Variants in KYNU observed in about 807,000 individuals in gnomAD.
KYNU encodes the protein L-kynurenine hydrolase.
Under a neutral mutation model 59.2 loss-of-function variants are expected in KYNU, and 54 were observed. The ratio of observed to expected loss-of-function variants is 0.91; its 90% CI spans 0.73 to 1.14. The LOEUF (loss-of-function observed/expected upper bound fraction) is 1.14. Among genes scored for constraint, KYNU ranks in the 50% most tolerant of loss-of-function variants. The pLI is 0.00. For synonymous variants in KYNU, 177 were observed against 192.0 expected (o/e 0.92, Z 0.65); for missense variants, 567 against 554.4 (o/e 1.02, Z -0.23).
intron 4 of KYNU, among the ~76,000 whole-genome samples, chr2:142,931,234 A>C (rs562666827): frequency 6.6e-6 from 1 of 152,168 alleles, no homozygotes; most frequent in Non-Finnish European, 1.5e-5. Flanking sequence ...CTCAGGGAGA[A>C]TCGTACATTC....
At chr2:142,900,146 A>C (rs1435664557) in intron 2 of KYNU, among the ~76,000 whole-genome samples, 3 of 152,224 alleles carry the variant, frequency 2.0e-5, no homozygotes, top group African/African-American at 7.2e-5. Flanking sequence ...CATTAGGATG[A>C]ACCTGGGCAC....
At chr2:143,032,155 G>A (rs574719028) in intron 11 of KYNU, among the ~76,000 whole-genome samples, 20 of 152,220 alleles carry the variant, frequency 1.3e-4, no homozygotes, top group African/African-American at 4.1e-4. Flanking sequence ...ACAGGCACCC[G>A]TAGTCCCAGC....
intron 6 of KYNU, 150 bp from the exon 7 acceptor site, chr2:142,957,491 T>C: frequency 1.7e-6 from 1 of 593,132 alleles, no homozygotes; most frequent in Non-Finnish European, 3.0e-6. Flanking sequence ...TAAGTGGTTC[T>C]TCTCTGTTGT....
At chr2:142,912,371 C>CTTTTTT (rs60854220) in intron 2 of KYNU, among the ~76,000 whole-genome samples, 288 of 89,474 alleles carry the variant, frequency 3.2e-3, no homozygotes, top group Non-Finnish European at 4.1e-3. Flanking sequence ...TTTTGTATTT[C>CTTTTTT]TTTTTTTTTT....
intron 3 of KYNU, among the ~76,000 whole-genome samples, chr2:142,919,664 TG>T (rs1422097894): frequency 6.6e-6 from 1 of 152,216 alleles, no homozygotes; most frequent in Non-Finnish European, 1.5e-5. Flanking sequence ...CCAGTCACAA[TG>T]GCTCATGCCT....
intron 10 of KYNU, among the ~76,000 whole-genome samples, chr2:143,002,087 A>G (rs1685722110): frequency 6.6e-6 from 1 of 152,202 alleles, no homozygotes; most frequent in African/African-American, 2.4e-5. Context: ...ATGGCAAACA[A>G]TTAGAATCTT....
intron 1 of KYNU, among the ~76,000 whole-genome samples, chr2:142,878,355 G>A (rs1339049811): frequency 1.3e-5 from 2 of 151,964 alleles, no homozygotes; most frequent in Admixed American, 1.3e-4. Flanking sequence ...TTTTCTTAAC[G>A]TGTTCAGCAA....
At position 143,007,931 on chromosome 2, in the gene KYNU, C is replaced by T. The variant is rs1377049183; in HGVS notation, c.903-21696C>T. ...AGCGCTAAACATGGAAAGGAACAACCGGTACCAGCCGCTGCAAAATCATGC... is the reference window on the plus strand; with the variant it reads ...AGCGCTAAACATGGAAAGGAACAACTGGTACCAGCCGCTGCAAAATCATGC... On this transcript the variant is annotated intron_variant, in intron 10 of 13. Coordinates refer to ENST00000264170, the MANE Select transcript of KYNU (RefSeq NM_003937.3). Among the ~76,000 whole-genome samples, 115 of 114,376 alleles carry T rather than the reference C, an allele frequency of 1.0e-3. 14 individuals are homozygous for T. Among genetic ancestry groups the T allele is most frequent in the Middle Eastern group, 4.1e-3 (1 of 244 alleles). 75.0% of individuals were successfully genotyped at this position (114,376 alleles called of 152,430 possible).
chr2:142,983,984 T>G (rs1685125023), intron 8 of KYNU, among the ~76,000 whole-genome samples: 2 of 151,806 alleles, frequency 1.3e-5, no homozygotes, highest in South Asian at 4.2e-4. Flanking sequence ...AAGGCAGGAG[T>G]AGTTGAATAG....
At chr2:142,950,921 T>C (rs375588277) in intron 4 of KYNU, among the ~76,000 whole-genome samples, 1 of 152,052 alleles carries the variant, frequency 6.6e-6, no homozygotes, top group Non-Finnish European at 1.5e-5. Context: ...GGGTTATTGA[T>C]TGGCTTATTT....
intron 1 of KYNU, among the ~76,000 whole-genome samples, chr2:142,883,905 CA>C (rs1328942716): frequency 1.3e-5 from 2 of 152,098 alleles, no homozygotes; most frequent in Non-Finnish European, 2.9e-5. Context: ...TAATAGGTAC[CA>C]AATAAATACT....
intron 1 of KYNU, among the ~76,000 whole-genome samples, chr2:142,881,078 C>A (rs973174056): frequency 6.6e-6 from 1 of 152,166 alleles, no homozygotes; most frequent in African/African-American, 2.4e-5. Flanking sequence ...AGCATTGGAG[C>A]ATTAGGTCTT....
chr2:142,991,767 C>T (rs567027714), intron 10 of KYNU, among the ~76,000 whole-genome samples: 4 of 151,976 alleles, frequency 2.6e-5, no homozygotes, highest in African/African-American at 9.6e-5. Context: ...GTATCTCATC[C>T]ACAGTTATTT....
At chr2:142,925,088 G>A (rs1389467312) in intron 3 of KYNU, among the ~76,000 whole-genome samples, 1 of 152,126 alleles carries the variant, frequency 6.6e-6, no homozygotes, top group Non-Finnish European at 1.5e-5. Flanking sequence ...AATTCTCTGA[G>A]GCAGAACATA....
intron 11 of KYNU, among the ~76,000 whole-genome samples, chr2:143,031,718 C>G (rs983703071): frequency 6.6e-6 from 1 of 152,148 alleles, no homozygotes; most frequent in African/African-American, 2.4e-5. Context: ...GAGTGATACT[C>G]TGTCTCAAAA....
Position 142,916,246 on chromosome 2 carries a change from A to AT in KYNU, c.170-2362dup, listed in dbSNP as rs1311559141. On this transcript the variant is annotated intron_variant, in intron 2 of 13. Transcript: ENST00000264170. ...TTTACTGAATGTGGAGACTTGGCTG[A>AT]TAGGGGGAACTGATGAACTCTTTTA... is the stretch of plus-strand genomic sequence containing the variant. 3.3e-5 allele frequency among the ~76,000 whole-genome samples: 5 copies of AT among 152,172 alleles called. No homozygotes were observed. In the East Asian group the frequency reaches 9.6e-4, roughly 29 times the overall value.
In KYNU at chr2:142,894,329, T is replaced by C. The variant is rs568056693; in HGVS notation, c.169+8793T>C. Among the ~76,000 whole-genome samples, 5 of 152,290 alleles carry C rather than the reference T, an allele frequency of 3.3e-5. No homozygotes were observed. In the East Asian group the frequency reaches 7.7e-4, roughly 24 times the overall value. On this transcript the variant is annotated intron_variant, in intron 2 of 13. Transcript: ENST00000264170. ...CATAGCCTTGTATGGGGCATCCCTA[T>C]TGGAAAAAGGACATGAATATTTCCT... is the stretch of plus-strand genomic sequence containing the variant.
In KYNU at chr2:143,037,809, A is replaced by G. The variant is rs73961705; in HGVS notation, c.1042-2619A>G. Among the ~76,000 whole-genome samples the G allele has an allele frequency of 6.3e-3, 958 of 152,314 alleles. 8 individuals carry two copies. The highest frequency in any genetic ancestry group is 0.021 in the African/African-American group (886 of 41,580). On this transcript the variant is annotated intron_variant, in intron 12 of 13. Coordinates refer to ENST00000264170, the MANE Select transcript of KYNU (RefSeq NM_003937.3). Reference sequence around the variant, plus strand: ...AAGCAAAAAAGAAAATAGAATATTTATGTTACTTCCCTATTATTCTCTCTC... The same window carrying G: ...AAGCAAAAAAGAAAATAGAATATTTGTGTTACTTCCCTATTATTCTCTCTC...
At chr2:143,010,744 C>T (rs2105201733) in intron 10 of KYNU, among the ~76,000 whole-genome samples, 1 of 148,340 alleles carries the variant, frequency 6.7e-6, no homozygotes, top group African/African-American at 2.5e-5. Context: ...ACAGAGCCCT[C>T]ATAAATAATG....
Sources: allele counts gnomAD v4.1 joint callset (sites outside exome capture counted in the v4.1 genomes callset), GRCh38; gene constraint gnomAD v4.1.1; transcripts MANE v1.5; gene names NCBI Gene and HGNC (gene_info 2026-07-23, HGNC 2026-07-21).